PCNX2: variants seen among roughly 807,000 people sequenced by gnomAD.
The protein encoded by PCNX2 is pecanex 2.
In PCNX2, 168 loss-of-function variants were observed where a neutral mutation model predicts 223.8. The ratio of observed to expected loss-of-function variants is 0.75; its 90% confidence interval spans 0.66 to 0.85. The LOEUF is 0.85. Among genes scored for constraint, PCNX2 ranks in the 40% least tolerant of loss-of-function variants. The pLI, the probability that PCNX2 is intolerant of heterozygous loss-of-function variation, is 0.00. For synonymous variants in PCNX2, 1,006 were observed against 1,052.6 expected (o/e 0.96, Z 0.86); for missense variants, 2,507 against 2,675.5 (o/e 0.94, Z 1.39).
rs75647038 is a variant in PCNX2, at chr1:233,207,320, G to A, written c.2863+1198C>T. ...CAGAAGTTGGGAAAGGATGATGTGGGACCAAAGGCTTTGACAGTCTCTTGA... is the reference window on the plus strand; with the variant it reads ...CAGAAGTTGGGAAAGGATGATGTGGAACCAAAGGCTTTGACAGTCTCTTGA... On this transcript the variant is annotated intron_variant, in intron 13 of 33. Transcript: ENST00000258229. Among the ~76,000 whole-genome samples the A allele has an allele frequency of 6.8e-3, 1,038 of 152,302 alleles. 7 individuals carry two copies. The highest frequency in any genetic ancestry group is 0.031 in the Middle Eastern group (9 of 294).
chr1:233,156,143 A>G (rs866933780), intron 19 of PCNX2, among the ~76,000 whole-genome samples: 6 of 152,230 alleles, frequency 3.9e-5, no homozygotes, highest in Non-Finnish European at 7.3e-5. Context: ...AGGAGATAAT[A>G]TTTACTTTCA....
intron 4 of PCNX2, chr1:233,259,789 A>G (rs1280851330): frequency 2.4e-6 from 2 of 820,602 alleles, no homozygotes; most frequent in Admixed American, 1.2e-4. Context: ...AAAGAACATG[A>G]ACTCATTCTT....
chr1:233,297,118 T>A (rs577905980), upstream of PCNX2, among the ~76,000 whole-genome samples: 4 of 152,350 alleles, frequency 2.6e-5, no homozygotes, highest in East Asian at 7.7e-4. Flanking sequence ...TACCAGGTGC[T>A]GTATAAGTGT....
At chr1:233,227,015 G>A (rs1025140023) in intron 10 of PCNX2, among the ~76,000 whole-genome samples, 2 of 152,078 alleles carry the variant, frequency 1.3e-5, no homozygotes, top group Non-Finnish European at 2.9e-5. Context: ...ATTAATAAGA[G>A]TTACTTATTG....
In PCNX2 at chr1:233,055,785, C is replaced by T. The variant is rs546343890; in HGVS notation, c.4136-1302G>A. ...GTCTATTTGAGTGGAGACAGACATT[C>T]GGGGAGGACAGGGATGAAGACTGCA... On this transcript the variant is annotated intron_variant, in intron 24 of 33. Coordinates refer to ENST00000258229, the MANE Select transcript of PCNX2 (RefSeq NM_014801.4). 1.0e-3 allele frequency among the ~76,000 whole-genome samples: 157 copies of T among 152,190 alleles called. 3 individuals are homozygous for T. The highest frequency in any genetic ancestry group is 5.8e-4 in the East Asian group (3 of 5,172).
the PCNX2 span, among the ~76,000 whole-genome samples, chr1:233,321,263 A>C: frequency 6.6e-6 from 1 of 151,990 alleles, no homozygotes; most frequent in African/African-American, 2.4e-5. Flanking sequence ...AGGTGAGATC[A>C]ATGTACAACT....
intron 21 of PCNX2, among the ~76,000 whole-genome samples, chr1:233,111,339 A>G (rs1390439384): frequency 6.6e-6 from 1 of 152,232 alleles, no homozygotes; most frequent in Admixed American, 6.5e-5. Flanking sequence ...GAACCAGAAT[A>G]TTATAAGTAC....
intron 23 of PCNX2, among the ~76,000 whole-genome samples, chr1:233,084,026 A>G (rs963095666): frequency 1.3e-5 from 2 of 152,222 alleles, no homozygotes; most frequent in Admixed American, 1.3e-4. Context: ...AGGATAAGGT[A>G]TGTTGTACAT....
At chr1:233,096,075 G>A (rs750895907) in intron 21 of PCNX2, among the ~76,000 whole-genome samples, 6 of 152,120 alleles carry the variant, frequency 3.9e-5, no homozygotes, top group Non-Finnish European at 8.8e-5. Flanking sequence ...AATCTTGCAT[G>A]GTTAATCTCA....
At chr1:233,224,556 C>T (rs1657582509) in intron 10 of PCNX2, among the ~76,000 whole-genome samples, 1 of 152,108 alleles carries the variant, frequency 6.6e-6, no homozygotes. Context: ...TTTTATTATG[C>T]ATATTATGCA....
At chr1:233,091,714 C>G (rs1232776612) in intron 22 of PCNX2, among the ~76,000 whole-genome samples, 2 of 122,222 alleles carry the variant, frequency 1.6e-5, no homozygotes, top group African/African-American at 6.4e-5. Flanking sequence ...GCCTGGGCAA[C>G]AGAGTGAGAC....
chr1:233,282,356 T>G (rs1259545707), intron 1 of PCNX2, among the ~76,000 whole-genome samples: 1 of 152,190 alleles, frequency 6.6e-6, no homozygotes, highest in Non-Finnish European at 1.5e-5. Flanking sequence ...TTTTCAAATC[T>G]GTATCCCTAG....
chr1:233,304,040 T>G, the PCNX2 span, among the ~76,000 whole-genome samples: 2 of 152,278 alleles, frequency 1.3e-5, no homozygotes, highest in Non-Finnish European at 2.9e-5. Context: ...TTTTTCCACT[T>G]TGCTTTCTCT....
intron 32 of PCNX2, among the ~76,000 whole-genome samples, chr1:232,992,898 CCCTTCG>C (rs1389142493): frequency 6.6e-6 from 1 of 152,192 alleles, no homozygotes; most frequent in Non-Finnish European, 1.5e-5. Context: ...ACCTTGCTTC[CCCTTCG>C]CCTTCTGCCA....
At chr1:233,011,866 G>A (rs1020680406) in intron 28 of PCNX2, among the ~76,000 whole-genome samples, 2 of 152,226 alleles carry the variant, frequency 1.3e-5, no homozygotes, top group African/African-American at 2.4e-5. Context: ...ACTAGTAAAC[G>A]TGTTTCCCTG....
intron 23 of PCNX2, among the ~76,000 whole-genome samples, chr1:233,077,437 C>G (rs533223145): frequency 6.6e-5 from 10 of 152,264 alleles, no homozygotes; most frequent in African/African-American, 2.4e-4. Flanking sequence ...CCCTCAGAAG[C>G]CTTCCCCAGT....
At chr1:233,112,729 CACATATTT>C in intron 21 of PCNX2, 1 of 643,608 alleles carries the variant, frequency 1.6e-6, no homozygotes. Context: ...TAACTAAATT[CACATATTT>C]ATTATAGTAT....
In PCNX2 at chr1:233,295,224, T is replaced by C; in HGVS notation, c.153+102A>G. 2 of 1,498,314 alleles carry C rather than the reference T, an allele frequency of 1.3e-6. No homozygotes were observed. The highest frequency in any genetic ancestry group is 9.1e-7 in the Non-Finnish European group (1 of 1,103,768). The allele number at this position is 1,498,314 out of a possible 1,614,324, so 92.8% of individuals were successfully genotyped here. ...TCCCTTTCCGTCTCTTAAGAATCTC[T>C]ACGAACCCGAAAGCCCGTGAGGCTG... On this transcript the variant is annotated intron_variant, in intron 1 of 33. Transcript: ENST00000258229. This position sits in a 1 kb window ranked among gnomAD's most constrained non-coding sequence, Gnocchi z 4.1.
intron 8 of PCNX2, among the ~76,000 whole-genome samples, chr1:233,250,077 C>T (rs1410505622): frequency 6.6e-6 from 1 of 152,160 alleles, no homozygotes; most frequent in African/African-American, 2.4e-5. Flanking sequence ...AAGAAGCATA[C>T]ATGAACAATT....
Sources: allele counts gnomAD v4.1 joint callset (sites outside exome capture counted in the v4.1 genomes callset), GRCh38; gene constraint gnomAD v4.1.1; non-coding constraint Gnocchi (gnomAD v3.1); transcripts MANE v1.5; gene names NCBI Gene and HGNC (gene_info 2026-07-23, HGNC 2026-07-21).